Variants in UNK observed in about 807,000 individuals in gnomAD.
The protein encoded by UNK is unk zinc finger, also known as RING finger protein unkempt homolog.
UNK carries 32 observed loss-of-function variants against 97.6 expected under a neutral mutation model. That is an observed-to-expected ratio of 0.33 (90% CI 0.25 to 0.44). The LOEUF (loss-of-function observed/expected upper bound fraction) is 0.44, where lower values mean the gene tolerates loss of function less well. Among genes scored for constraint, UNK ranks in the 20% least tolerant of loss-of-function variants. The pLI is 1.00. For synonymous variants in UNK, 441 were observed against 461.2 expected (o/e 0.96, Z 0.56); for missense variants, 771 against 1,098.4 (o/e 0.70, Z 4.21).
chr17:75,812,445 C>T lies in UNK; in HGVS notation c.492-10C>T, dbSNP rs1183374178. On this transcript the variant is annotated splice_polypyrimidine_tract_variant and intron_variant, in intron 3 of 15. Coordinates refer to ENST00000589666, the MANE Select transcript of UNK (RefSeq NM_001080419.3). ...CTCTCCACCCTCTCTGTTCTTTCCT[C>T]TCCTCCCAGGGAGCTTCAGGCCATG... The T allele has an allele frequency of 8.7e-6, 14 of 1,608,912 alleles. No individual in the cohort carries two copies. In the Admixed American group the frequency reaches 1.0e-4, roughly 12 times the overall value.
chr17:75,822,393 G>A, intron 13 of UNK, 84 bp from the exon 14 acceptor site: 4 of 1,476,528 alleles, frequency 2.7e-6, no homozygotes, highest in Non-Finnish European at 3.6e-6. Context: ...TGGACAGCCA[G>A]TCCCTGGAAC....
At position 75,819,843 on chromosome 17, in the gene UNK, C is replaced by T. The variant is rs1341578750; in HGVS notation, c.1648+58C>T. On this transcript the variant is annotated intron_variant, in intron 12 of 15. Transcript: ENST00000589666. The surrounding 1 kb of genome is among the most constrained non-coding windows in gnomAD (Gnocchi z 5.4). ...GGACTCCTCGGGTTCCTGCCTGGCTCAGGCCCCTTGCTCTGTGTGGCCCGC... is the reference window on the plus strand; with the variant it reads ...GGACTCCTCGGGTTCCTGCCTGGCTTAGGCCCCTTGCTCTGTGTGGCCCGC... 6.2e-7 allele frequency: 1 copy of T among 1,609,666 alleles called. No individual in the cohort carries two copies. The highest frequency in any genetic ancestry group is 8.5e-7 in the Non-Finnish European group (1 of 1,177,900).
chr17:75,798,022 A>G (rs921915069), intron 1 of UNK, among the ~76,000 whole-genome samples: 2 of 151,668 alleles, frequency 1.3e-5, no homozygotes, highest in Non-Finnish European at 2.9e-5. Context: ...TACAGGGTGG[A>G]CATTCATGCA....
At chr17:75,822,795 G>A (rs565408078) in intron 14 of UNK, 137 bp downstream of exon 14, 12 of 1,137,052 alleles carry the variant, frequency 1.1e-5, no homozygotes, top group East Asian at 5.7e-5. Context: ...TTGTTCGCTC[G>A]CTCTCCCCCT....
At position 75,824,256 on chromosome 17, in the gene UNK, C is replaced by T. The variant is rs1415122200; in HGVS notation, c.2278-6C>T. ...GATGGTGACCACGATGCCCCTTTCC[C>T]TGCAGGCCGTGTTCCACATGCAGTC... On this transcript the variant is annotated splice_region_variant and splice_polypyrimidine_tract_variant and intron_variant, in intron 15 of 15. Transcript: ENST00000589666. The surrounding 1 kb of genome is among the most constrained non-coding windows in gnomAD (Gnocchi z 4.9). 6.3e-7 allele frequency: 1 copy of T among 1,586,326 alleles called. No homozygotes were observed. The highest frequency in any genetic ancestry group is 2.4e-5 in the East Asian group (1 of 42,292).
chr17:75,785,009 C>G (rs758683605), intron 1 of UNK, 25 bp downstream of exon 1: 24 of 1,314,050 alleles, frequency 1.8e-5, no homozygotes, highest in South Asian at 1.2e-4. Flanking sequence ...CCCCCCCCCG[C>G]CGCGCGCGCA....
In UNK at chr17:75,784,966, A is replaced by G; in HGVS notation, c.86A>G (p.Glu29Gly). 1 of 1,522,912 alleles carries G rather than the reference A, an allele frequency of 6.6e-7. No individual in the cohort carries two copies. The highest frequency in any genetic ancestry group is 8.8e-7 in the Non-Finnish European group (1 of 1,138,514). 94.3% of individuals were successfully genotyped at this position (1,522,912 alleles called of 1,614,324 possible). Reference sequence around the variant, plus strand: ...GCTCAGGTGCTGCAGGCACAGCCCGAGAAACCGCAGCACTACACGTACGTA... The same window carrying G: ...GCTCAGGTGCTGCAGGCACAGCCCGGGAAACCGCAGCACTACACGTACGTA... ...ATAQVLQAQP[E>G]KPQHYTYLKE... is the part of the protein sequence containing the mutation. Residue 29 changes from glutamate to glycine, a missense_variant, in exon 1 of 16, where the codon GAG becomes GGG. Glu to Gly is a moderately conservative substitution (Grantham distance 98). Transcript: ENST00000589666.
At chr17:75,814,223 C>T (rs368004033) in intron 6 of UNK, among the ~76,000 whole-genome samples, 2 of 151,888 alleles carry the variant, frequency 1.3e-5, no homozygotes, top group South Asian at 2.1e-4. Flanking sequence ...AAAATAGGGC[C>T]AGGCACGGTG....
intron 1 of UNK, among the ~76,000 whole-genome samples, chr17:75,791,207 TATAGCTTC>T (rs2061761474): frequency 6.6e-6 from 1 of 152,230 alleles, no homozygotes; most frequent in African/African-American, 2.4e-5. Flanking sequence ...ATAAATACTT[TATAGCTTC>T]ATCTATCTAG....
rs771655596 is a variant in UNK, at chr17:75,822,509, C to T, written c.1870C>T (p.His624Tyr). 2 of 1,613,540 alleles carry T rather than the reference C, an allele frequency of 1.2e-6. No homozygotes were observed. Among genetic ancestry groups the T allele is most frequent in the Non-Finnish European group, 1.7e-6 (2 of 1,179,730 alleles). ...LNGMNSSIWE[H>Y]FASGSFSPGT... is the part of the protein sequence containing the mutation. ...CGGGATGAACAGCAGCATCTGGGAGCATTTTGCCTCTGGAAGCTTCTCCCC... is the reference window on the plus strand; with the variant it reads ...CGGGATGAACAGCAGCATCTGGGAGTATTTTGCCTCTGGAAGCTTCTCCCC... The change falls in exon 14 of 16, where the codon CAT becomes TAT. Residue 624 changes from histidine (H) to tyrosine (Y), a missense_variant. Physicochemically the swap from His to Tyr is moderately conservative, Grantham distance 83. Coordinates refer to ENST00000589666, the MANE Select transcript of UNK (RefSeq NM_001080419.3).
intron 1 of UNK, among the ~76,000 whole-genome samples, chr17:75,789,422 C>T (rs1160017182): frequency 3.3e-5 from 5 of 152,062 alleles, no homozygotes; most frequent in East Asian, 1.9e-4. Context: ...CTGCAAGCTC[C>T]GCCTCCTGGG....
At chr17:75,803,839 A>G (rs1308864608) in intron 1 of UNK, among the ~76,000 whole-genome samples, 1 of 152,226 alleles carries the variant, frequency 6.6e-6, no homozygotes, top group Non-Finnish European at 1.5e-5. Context: ...AATGAGGAGA[A>G]TCGCTCCCAA....
Position 75,820,025 on chromosome 17 carries a change from C to G in UNK, c.1754C>G (p.Ser585Trp). 6.2e-7 allele frequency: 1 copy of G among 1,613,926 alleles called. No homozygotes were observed. The highest frequency in any genetic ancestry group is 8.5e-7 in the Non-Finnish European group (1 of 1,179,886). ...ASPSPPVSLS[S>W]HFLQQPQGHL... is the part of the protein sequence containing the mutation. ...CCGTCCCCTCCCGTCAGCCTCTCCT[C>G]GCATTTCCTGCAGCAGCCCCAGGGC... The change falls in exon 13 of 16, where the codon TCG becomes TGG. Residue 585 changes from serine to tryptophan, a missense_variant. Transcript: ENST00000589666.
intron 14 of UNK, 136 bp downstream of exon 14, chr17:75,822,794 C>G: frequency 8.8e-7 from 1 of 1,138,836 alleles, no homozygotes; most frequent in Non-Finnish European, 1.2e-6. Flanking sequence ...TTTGTTCGCT[C>G]GCTCTCCCCC....
In UNK at chr17:75,818,314, GGGTA is replaced by G; in HGVS notation, c.1371+149_1371+152del. On this transcript the variant is annotated intron_variant, in intron 10 of 15. Transcript: ENST00000589666. The surrounding 1 kb of genome is among the most constrained non-coding windows in gnomAD (Gnocchi z 5.1). ...GGGGTCCCAGCCACAAATCCAGAGA[GGGTA>G]GGGGGTCAGGCCCTGGAGCCCCTCA... is the stretch of plus-strand genomic sequence containing the variant. 1 of 931,696 alleles carries G rather than the reference GGGTA, an allele frequency of 1.1e-6. No individual in the cohort carries two copies. The highest frequency in any genetic ancestry group is 1.6e-5 in the South Asian group (1 of 62,848). 57.7% of individuals were successfully genotyped at this position (931,696 alleles called of 1,614,324 possible). A position where few individuals can be genotyped will look rare whatever the true frequency, so the allele number is the denominator to read the frequency against.
Position 75,824,505 on chromosome 17 carries a change from T to C in UNK, c.*88T>C. ...ATATATATGAATATATATATATATG[T>C]GTATGTATGTATGTATATGTATATG... On this transcript the variant is annotated 3_prime_UTR_variant, in exon 16 of 16. Transcript: ENST00000589666. This position sits in a 1 kb window ranked among gnomAD's most constrained non-coding sequence, Gnocchi z 4.9. 2.3e-6 allele frequency: 2 copies of C among 873,758 alleles called. No individual in the cohort carries two copies. The highest frequency in any genetic ancestry group is 1.5e-6 in the Non-Finnish European group (1 of 682,158). 54.1% of individuals were successfully genotyped at this position (873,758 alleles called of 1,614,324 possible).
chr17:75,803,775 G>A (rs190584556), intron 1 of UNK, among the ~76,000 whole-genome samples: 162 of 152,360 alleles, frequency 1.1e-3, no homozygotes, highest in African/African-American at 3.6e-3. Context: ...TGGCTTAGCA[G>A]TGGTAGTTTT....
At chr17:75,785,883 C>T (rs2061705610) in intron 1 of UNK, 1 of 151,936 alleles carries the variant, frequency 6.6e-6, no homozygotes, top group Admixed American at 6.6e-5. Context: ...CCATGGGCTC[C>T]TGAGTGATGT....
Position 75,817,420 on chromosome 17 carries a change from T to A in UNK, c.1199T>A (p.Val400Asp). 1.9e-6 allele frequency: 3 copies of A among 1,612,968 alleles called. No individual in the cohort carries two copies. The highest frequency in any genetic ancestry group is 2.5e-6 in the Non-Finnish European group (3 of 1,179,390). Reference sequence around the variant, plus strand: ...AAGCCCCCAAACCTGGAGGGCATCGTCTTCCCTGGGGAGTCTGGCCTGGCC... The same window carrying A: ...AAGCCCCCAAACCTGGAGGGCATCGACTTCCCTGGGGAGTCTGGCCTGGCC... Reference protein sequence around the residue: ...IRKPPNLEGIVFPGESGLAPG... With the variant: ...IRKPPNLEGIDFPGESGLAPG... Residue 400 changes from valine (V) to aspartate (D), a missense_variant, in exon 9 of 16, where the codon GTC becomes GAC. This residue lies in a region of UNK where 192 missense variants were observed against 202.4 expected (regional missense o/e 0.95). Transcript: ENST00000589666. The surrounding 1 kb of genome is among the most constrained non-coding windows in gnomAD (Gnocchi z 5.8).
Sources: gnomAD v4.1 joint callset for allele counts (sites outside exome capture counted in the v4.1 genomes callset) on GRCh38, gnomAD v4.1.1 for gene constraint, gnomAD v4.1.1 regional missense constraint, Gnocchi (gnomAD v3.1) non-coding constraint, MANE v1.5 for transcripts, NCBI Gene and HGNC (gene_info 2026-07-23, HGNC 2026-07-21) for gene names.